The following SEPTIN6 variants were observed in gnomAD, a reference collection of about 807,000 sequenced individuals.
SEPTIN6 encodes the protein septin-6.
In SEPTIN6, 8 loss-of-function variants were observed where a neutral mutation model predicts 33.6. The ratio of observed to expected loss-of-function variants is 0.24; its 90% CI spans 0.14 to 0.43. The LOEUF is 0.43. Among genes scored for constraint, SEPTIN6 ranks in the 20% least tolerant of loss-of-function variants. SEPTIN6 has a pLI of 1.00. For missense variants in SEPTIN6, 250 were observed against 340.8 expected, an observed-to-expected ratio of 0.73 and a Z score of 2.10; for synonymous variants, 131 against 140.0, an observed-to-expected ratio of 0.94 and a Z score of 0.45.
intron 7 of SEPTIN6, among the ~76,000 whole-genome samples, chrX:119,636,608 C>CT (rs1440822165): frequency 9.0e-6 from 1 of 111,258 alleles, no homozygotes; most frequent in Admixed American, 9.5e-5. Flanking sequence ...AGAAACCTGT[C>CT]TGAGCGCCAG....
At chrX:119,659,056 C>A (rs2054497454) in intron 3 of SEPTIN6, among the ~76,000 whole-genome samples, 1 of 112,186 alleles carries the variant, frequency 8.9e-6, no homozygotes, top group Admixed American at 9.5e-5. Context: ...GCCTTCTCTA[C>A]CCCCAAAGTT....
intron 3 of SEPTIN6, among the ~76,000 whole-genome samples, chrX:119,658,852 G>A (rs2054494896): frequency 8.9e-6 from 1 of 112,276 alleles, no homozygotes; most frequent in Admixed American, 9.5e-5. Context: ...TCATTGAATT[G>A]TAGAAGCTCT....
At chrX:119,692,672 C>A (rs186007889) in intron 1 of SEPTIN6, among the ~76,000 whole-genome samples, 2,398 of 112,745 alleles carry the variant, frequency 0.021, 87 homozygotes, top group South Asian at 0.14. Flanking sequence ...TCCCGGGTCA[C>A]AACGGGCAGC....
chrX:119,645,808 G>C (rs772250096), intron 5 of SEPTIN6, among the ~76,000 whole-genome samples: 3 of 111,570 alleles, frequency 2.7e-5, no homozygotes, highest in African/African-American at 9.8e-5. Flanking sequence ...GGGATTACAC[G>C]TGTGAGCCAC....
At chrX:119,684,394 G>T (rs1325567066) in intron 1 of SEPTIN6, among the ~76,000 whole-genome samples, 1 of 110,253 alleles carries the variant, frequency 9.1e-6, no homozygotes, top group East Asian at 2.8e-4. Context: ...TCAGGTAGCT[G>T]ATAGCTTCCT....
At chrX:119,653,898 G>A (rs760367063) in intron 3 of SEPTIN6, among the ~76,000 whole-genome samples, 17 of 110,515 alleles carry the variant, frequency 1.5e-4, no homozygotes, top group East Asian at 2.8e-4. Context: ...GCAAAACTTC[G>A]TCTCTACTAA....
chrX:119,616,731 G>C (rs1365071701), downstream of SEPTIN6: 1 of 1,196,709 alleles, frequency 8.4e-7, no homozygotes, highest in Middle Eastern at 2.3e-4. Flanking sequence ...CTGAAGACAA[G>C]ATTAAAAAAA....
At chrX:119,659,809 G>A (rs906107555) in intron 3 of SEPTIN6, among the ~76,000 whole-genome samples, 1 of 111,746 alleles carries the variant, frequency 8.9e-6, no homozygotes, top group Admixed American at 9.6e-5. Context: ...AGGTTCCTAA[G>A]CACTCCCCTC....
intron 5 of SEPTIN6, 63 bp from the exon 6 acceptor site, chrX:119,640,851 C>T: frequency 1.0e-6 from 1 of 998,607 alleles, no homozygotes; most frequent in East Asian, 3.1e-5. Flanking sequence ...GTTACACAAC[C>T]CAACTGCTGT....
Position 119,632,568 on chromosome X carries a change from C to T in SEPTIN6, c.1089+792G>A, listed in dbSNP as rs138324651. ...CCCTTGTCATGGGCTTTGGTGAGAACCCTTGAGAGTGTGACAGGTTAAATG... is the reference window on the plus strand; with the variant it reads ...CCCTTGTCATGGGCTTTGGTGAGAATCCTTGAGAGTGTGACAGGTTAAATG... On this transcript the variant is annotated intron_variant, in intron 8 of 10. Transcript: ENST00000394610. 4.5e-3 allele frequency among the ~76,000 whole-genome samples: 498 copies of T among 109,596 alleles called. 3 individuals carry two copies. Among genetic ancestry groups the T allele is most frequent in the Middle Eastern group, 0.014 (3 of 212 alleles).
At chrX:119,621,239 A>G (rs1373809703) in intron 10 of SEPTIN6, among the ~76,000 whole-genome samples, 1 of 110,117 alleles carries the variant, frequency 9.1e-6, no homozygotes, top group African/African-American at 3.3e-5. Flanking sequence ...GGTCCAGACC[A>G]CAGTTACCTG....
At chrX:119,681,584 A>G (rs1162140686) in intron 1 of SEPTIN6, among the ~76,000 whole-genome samples, 1 of 111,530 alleles carries the variant, frequency 9.0e-6, no homozygotes, top group African/African-American at 3.3e-5. Context: ...CCCAACCTAA[A>G]TGTCCAACAA....
intron 5 of SEPTIN6, among the ~76,000 whole-genome samples, chrX:119,644,901 A>G (rs984641666): frequency 2.1e-4 from 21 of 99,435 alleles, no homozygotes; most frequent in African/African-American, 7.7e-4. Context: ...CTCATGGCCC[A>G]ATCACATTTT....
chrX:119,681,197 G>C (rs1331273264), intron 1 of SEPTIN6, among the ~76,000 whole-genome samples: 1 of 110,804 alleles, frequency 9.0e-6, no homozygotes, highest in Non-Finnish European at 1.9e-5. Flanking sequence ...GCCCCTGGAA[G>C]TTTCTCCCCT....
chrX:119,668,019 G>A (rs765431647), intron 2 of SEPTIN6, among the ~76,000 whole-genome samples: 11 of 111,692 alleles, frequency 9.8e-5, no homozygotes, highest in Middle Eastern at 4.6e-3. Flanking sequence ...ATGCTCTTGC[G>A]GGACGGTGGC....
rs2053716415 is a variant in SEPTIN6, at chrX:119,619,719, C to T, written c.*374G>A. 3 of 953,530 alleles carry T rather than the reference C, an allele frequency of 3.1e-6. No individual in the cohort carries two copies. The highest frequency in any genetic ancestry group is 1.1e-4 in the Admixed American group (2 of 18,608). The allele number at this position is 953,530 out of a possible 1,213,427, so 78.6% of individuals were successfully genotyped here. The stretch of plus-strand genomic sequence containing the variant: ...TCAGGGAAACTAACAGCAACCAGAA[C>T]TGGAACAGGGGAGCTGGTGGGAAAG... On this transcript the variant is annotated 3_prime_UTR_variant, in exon 11 of 11. Transcript: ENST00000394610.
At chrX:119,621,940 C>G (rs2147438032) in intron 10 of SEPTIN6, among the ~76,000 whole-genome samples, 1 of 110,839 alleles carries the variant, frequency 9.0e-6, no homozygotes, top group African/African-American at 3.3e-5. Flanking sequence ...CGCCCAGCTT[C>G]CATTTACTCA....
chrX:119,653,994 G>A (rs1481970145), intron 3 of SEPTIN6, among the ~76,000 whole-genome samples: 2 of 110,231 alleles, frequency 1.8e-5, no homozygotes, highest in African/African-American at 3.3e-5. Context: ...GCTTGAACCC[G>A]GAAGGCAGAG....
At chrX:119,661,255 C>A (rs1256138174) in intron 3 of SEPTIN6, among the ~76,000 whole-genome samples, 2 of 96,673 alleles carry the variant, frequency 2.1e-5, no homozygotes, top group Non-Finnish European at 4.1e-5. Context: ...GAAACCCCAT[C>A]TCTACTAAAA....
Sources: gnomAD v4.1 joint callset for allele counts (sites outside exome capture counted in the v4.1 genomes callset) on GRCh38, gnomAD v4.1.1 for gene constraint, MANE v1.5 for transcripts, NCBI Gene and HGNC (gene_info 2026-07-23, HGNC 2026-07-21) for gene names.